PARVB: variants seen among roughly 807,000 people sequenced by gnomAD.
PARVB encodes the protein beta-parvin.
PARVB carries 46 observed loss-of-function variants against 47.0 expected under a neutral mutation model. That is an observed-to-expected ratio of 0.98 (90% CI 0.77 to 1.25). PARVB has a LOEUF of 1.25. Ranked by LOEUF, PARVB falls within the 50% of genes most tolerant of loss-of-function variation. PARVB has a pLI of 0.00. For missense variants in PARVB, 473 were observed against 471.6 expected, an observed-to-expected ratio of 1.00 and a Z score of -0.03; for synonymous variants, 196 against 196.3, an observed-to-expected ratio of 1.00 and a Z score of 0.01.
intron 2 of PARVB, among the ~76,000 whole-genome samples, chr22:44,006,757 A>T (rs995894256): frequency 1.3e-5 from 2 of 152,170 alleles, no homozygotes; most frequent in African/African-American, 4.8e-5. Context: ...AACTCAGCAC[A>T]CTTCCATACC....
At chr22:44,008,967 C>A (rs1015307388) in intron 2 of PARVB, among the ~76,000 whole-genome samples, 1 of 151,884 alleles carries the variant, frequency 6.6e-6, no homozygotes, top group African/African-American at 2.4e-5. Flanking sequence ...CCAGCCTGGG[C>A]GACAGAACGA....
chr22:44,147,792 G>T (rs2147138521), intron 8 of PARVB, 69 bp from the exon 9 acceptor site: 1 of 1,303,886 alleles, frequency 7.7e-7, no homozygotes, highest in Non-Finnish European at 1.1e-6. Context: ...AGCTGGCAGG[G>T]CCCTGGATTA....
chr22:44,122,074 T>A (rs1192098622), intron 4 of PARVB, among the ~76,000 whole-genome samples: 5 of 152,244 alleles, frequency 3.3e-5, no homozygotes, highest in Non-Finnish European at 7.3e-5. Context: ...ATAAATAAAT[T>A]AATTTGTTTC....
chr22:44,170,988 A>C lies in PARVB; in HGVS notation c.*2310A>C, dbSNP rs1569171972. The C allele has an allele frequency of 6.6e-6, 1 of 152,252 alleles. No homozygotes were observed. Among genetic ancestry groups the C allele is most frequent in the Non-Finnish European group, 1.5e-5 (1 of 68,042 alleles). 9.4% of individuals were successfully genotyped at this position (152,252 alleles called of 1,614,324 possible). On this transcript the variant is annotated 3_prime_UTR_variant, in exon 13 of 13. Transcript: ENST00000338758. ...GAGGTGATTTCCCAGCAGGGGAAAGAAATAATTAAAACAGCATTACGGTGT... is the reference window on the plus strand; with the variant it reads ...GAGGTGATTTCCCAGCAGGGGAAAGCAATAATTAAAACAGCATTACGGTGT...
chr22:44,051,922 T>G (rs1001366196), intron 1 of PARVB, among the ~76,000 whole-genome samples: 2 of 151,970 alleles, frequency 1.3e-5, no homozygotes, highest in Non-Finnish European at 2.9e-5. Context: ...ATTGGAGAGA[T>G]GCTGCCACAA....
At chr22:44,052,942 C>CAAAA (rs1055991621) in intron 1 of PARVB, among the ~76,000 whole-genome samples, 1 of 151,440 alleles carries the variant, frequency 6.6e-6, no homozygotes, top group Non-Finnish European at 1.5e-5. Context: ...AGCCCTATCT[C>CAAAA]AAAAAACAAA....
intron 1 of PARVB, among the ~76,000 whole-genome samples, chr22:44,066,188 C>T (rs1424562581): frequency 1.3e-5 from 2 of 152,094 alleles, no homozygotes; most frequent in South Asian, 2.1e-4. Context: ...TCCAAGTTAC[C>T]GTTTTTCTGA....
chr22:44,011,120 G>A (rs1380030300), intron 2 of PARVB, among the ~76,000 whole-genome samples: 6 of 151,934 alleles, frequency 3.9e-5, no homozygotes, highest in Non-Finnish European at 7.4e-5. Flanking sequence ...CACTGCGCCC[G>A]GCCATGCCTG....
At chr22:44,020,596 C>T (rs150467671), upstream of PARVB, among the ~76,000 whole-genome samples, 18 of 152,254 alleles carry the variant, frequency 1.2e-4, no homozygotes, top group Non-Finnish European at 2.5e-4. Flanking sequence ...TCACAAAACT[C>T]AGGGCAACAC....
At chr22:44,039,533 A>G (rs2050979553) in intron 1 of PARVB, among the ~76,000 whole-genome samples, 1 of 151,278 alleles carries the variant, frequency 6.6e-6, no homozygotes, top group African/African-American at 2.4e-5. Context: ...ACAGAGTGAT[A>G]CTCTGTCAAA....
At chr22:44,106,380 T>A (rs1443921521) in intron 3 of PARVB, 1 of 152,214 alleles carries the variant, frequency 6.6e-6, no homozygotes, top group Non-Finnish European at 1.5e-5. Flanking sequence ...TACTGTGGAC[T>A]GTGATGATCT....
intron 2 of PARVB, among the ~76,000 whole-genome samples, chr22:44,014,679 T>C (rs990031196): frequency 4.6e-5 from 7 of 152,222 alleles, no homozygotes; most frequent in African/African-American, 1.4e-4. Flanking sequence ...AAGCTAGTTA[T>C]GTAAACTCCA....
chr22:44,074,207 C>T (rs935944483), intron 1 of PARVB, among the ~76,000 whole-genome samples: 2 of 152,170 alleles, frequency 1.3e-5, no homozygotes, highest in Admixed American at 6.5e-5. Flanking sequence ...AGCAGAGAGA[C>T]GGGGGCATGG....
chr22:44,084,352 A>G (rs768113445), intron 1 of PARVB, among the ~76,000 whole-genome samples: 2 of 152,202 alleles, frequency 1.3e-5, no homozygotes, highest in Non-Finnish European at 2.9e-5. Context: ...AGGGAGGCTG[A>G]GTCTTGTTTG....
chr22:44,005,909 G>C (rs1280052892), intron 2 of PARVB, among the ~76,000 whole-genome samples: 1 of 152,166 alleles, frequency 6.6e-6, no homozygotes, highest in African/African-American at 2.4e-5. Context: ...CTGTGCTTCC[G>C]TTGCTTCATT....
intron 1 of PARVB, among the ~76,000 whole-genome samples, chr22:44,077,398 G>A (rs144081801): frequency 4.6e-5 from 7 of 152,252 alleles, no homozygotes; most frequent in Non-Finnish European, 8.8e-5. Context: ...CCTAATGACC[G>A]AATCTGCAAC....
chr22:44,034,806 G>A (rs999465728), intron 1 of PARVB, among the ~76,000 whole-genome samples: 1 of 150,190 alleles, frequency 6.7e-6, no homozygotes, highest in Admixed American at 6.7e-5. Context: ...TGCCTCCCAG[G>A]TTCAAGTGAT....
chr22:44,136,253 C>T (rs1002264800), intron 6 of PARVB, among the ~76,000 whole-genome samples: 3 of 152,156 alleles, frequency 2.0e-5, no homozygotes, highest in African/African-American at 7.2e-5. Context: ...AGGATAGGGA[C>T]AGGTTGTGGT....
chr22:44,150,978 G>A (rs2053792366), intron 9 of PARVB: 1 of 137,826 alleles, frequency 7.3e-6, no homozygotes, highest in South Asian at 2.4e-4. Context: ...CTTGCAATGA[G>A]CCGAGATCAC....
Sources: gnomAD v4.1 joint callset for allele counts (sites outside exome capture counted in the v4.1 genomes callset) on GRCh38, gnomAD v4.1.1 for gene constraint, MANE v1.5 for transcripts, NCBI Gene and HGNC (gene_info 2026-07-23, HGNC 2026-07-21) for gene names.